The following PDCL2 variants were observed in gnomAD, a reference collection of about 807,000 sequenced individuals.
The protein encoded by PDCL2 is phosducin like 2, also known as phosducin-like protein 2.
A neutral mutation model predicts 30.3 loss-of-function variants in PDCL2; 23 were observed. The ratio of observed to expected loss-of-function variants is 0.76; its 90% CI spans 0.55 to 1.08. The LOEUF is 1.08. PDCL2 is among the 50% of genes least tolerant of loss of function. PDCL2 has a pLI of 0.00. For missense variants in PDCL2, 243 were observed against 282.3 expected, an observed-to-expected ratio of 0.86 and a Z score of 1.00; for synonymous variants, 68 against 86.2, an observed-to-expected ratio of 0.79 and a Z score of 1.17.
intron 5 of PDCL2, among the ~76,000 whole-genome samples, chr4:55,560,451 A>G (rs572717135): frequency 1.1e-3 from 170 of 152,096 alleles, no homozygotes; most frequent in Middle Eastern, 3.4e-3. Flanking sequence ...TCTACTATAA[A>G]ATTTTTCTTA....
chr4:55,572,706 C>T (rs1211073053), intron 3 of PDCL2, among the ~76,000 whole-genome samples: 2 of 152,152 alleles, frequency 1.3e-5, no homozygotes, highest in East Asian at 3.8e-4. Context: ...GCTCCAAAAC[C>T]ATGATGCAAA....
rs1732177444 is a variant in PDCL2, at chr4:55,563,092, C to A, written c.363-480G>T. 7.2e-5 allele frequency among the ~76,000 whole-genome samples: 11 copies of A among 152,296 alleles called. No homozygotes were observed. In the South Asian group the frequency reaches 2.3e-3, roughly 32 times the overall value. On this transcript the variant is annotated intron_variant, in intron 4 of 5. Transcript: ENST00000295645. Reference sequence around the variant, plus strand: ...CCAGTCTTTGGAATCCCACTCCATGCCACATCCTGGTGGCCCATTATCCAG... The same window carrying A: ...CCAGTCTTTGGAATCCCACTCCATGACACATCCTGGTGGCCCATTATCCAG...
At chr4:55,585,547 C>T (rs540079891) in intron 1 of PDCL2, among the ~76,000 whole-genome samples, 4 of 151,966 alleles carry the variant, frequency 2.6e-5, no homozygotes, top group Non-Finnish European at 5.9e-5. Flanking sequence ...CACACAGACA[C>T]ACACACACAC....
rs186375366 is a variant in PDCL2 at position 55,581,632 on chromosome 4, G to A, written c.127+485C>T. 4.6e-4 allele frequency among the ~76,000 whole-genome samples: 70 copies of A among 152,310 alleles called. No individual in the cohort carries two copies. In the East Asian group the frequency reaches 0.011, roughly 24 times the overall value. On this transcript the variant is annotated intron_variant, in intron 2 of 5. Transcript: ENST00000295645. ...TATTAGCATGTGATTTTCAACATGT[G>A]AAATTAGTCATTTTAGGTGTCATAT...
intron 1 of PDCL2, among the ~76,000 whole-genome samples, chr4:55,589,368 A>AT (rs561443107): frequency 1.3e-3 from 204 of 152,054 alleles, no homozygotes; most frequent in Non-Finnish European, 2.4e-3. Context: ...GAGGATTTAT[A>AT]TTTTTTTTCT....
chr4:55,577,293 C>T (rs1298067714), intron 3 of PDCL2, among the ~76,000 whole-genome samples: 3 of 152,144 alleles, frequency 2.0e-5, no homozygotes, highest in Admixed American at 6.5e-5. Flanking sequence ...AATGCCATCA[C>T]ATTGGGAGGG....
At chr4:55,567,237 A>G (rs1732290767) in intron 4 of PDCL2, among the ~76,000 whole-genome samples, 1 of 152,246 alleles carries the variant, frequency 6.6e-6, no homozygotes, top group African/African-American at 2.4e-5. Flanking sequence ...CGGAGTCATT[A>G]AAATGAGACA....
chr4:55,560,478 G>A (rs984338673), intron 5 of PDCL2, among the ~76,000 whole-genome samples: 1 of 152,102 alleles, frequency 6.6e-6, no homozygotes, highest in South Asian at 2.1e-4. Flanking sequence ...AGTTAGGTGT[G>A]ATGGCAGGCA....
chr4:55,580,672 T>C, intron 3 of PDCL2, 149 bp downstream of exon 3: 3 of 505,328 alleles, frequency 5.9e-6, no homozygotes, highest in Non-Finnish European at 1.0e-5. Context: ...TGTAATAAAA[T>C]TCCACCTTAT....
chr4:55,557,242 G>T (rs555460323), intron 5 of PDCL2, among the ~76,000 whole-genome samples: 3 of 152,280 alleles, frequency 2.0e-5, no homozygotes, highest in East Asian at 3.9e-4. Context: ...GGTTAAACTG[G>T]GTCTTAGTCT....
At chr4:55,591,735 A>G (rs1017694361) in intron 1 of PDCL2, among the ~76,000 whole-genome samples, 1 of 152,096 alleles carries the variant, frequency 6.6e-6, no homozygotes, top group East Asian at 1.9e-4. Context: ...TTCTGTTCTT[A>G]TTTTTTAAGG....
rs33953658 is a variant in PDCL2, at chr4:55,562,912, G to GAA, written c.363-302_363-301dup. Among the ~76,000 whole-genome samples the GAA allele has an allele frequency of 2.5e-3, 275 of 108,782 alleles. 2 individuals are homozygous for GAA. Among genetic ancestry groups the GAA allele is most frequent in the East Asian group, 0.01 (43 of 4,234 alleles). 71.4% of individuals were successfully genotyped at this position (108,782 alleles called of 152,430 possible). A position where few individuals can be genotyped will look rare whatever the true frequency, so the allele number is the denominator to read the frequency against. The stretch of plus-strand genomic sequence containing the variant: ...GGTTCAAGCAGGTACCCAGTTTGTA[G>GAA]AAAAAAAAAAAAAAAACAGGACACT... On this transcript the variant is annotated intron_variant, in intron 4 of 5. Transcript: ENST00000295645.
chr4:55,591,191 A>C (rs1732989057), intron 1 of PDCL2, among the ~76,000 whole-genome samples: 1 of 152,142 alleles, frequency 6.6e-6, no homozygotes, highest in African/African-American at 2.4e-5. Flanking sequence ...AAACACCCAA[A>C]ATTAAATATG....
At chr4:55,591,365 C>G (rs1481613057) in intron 1 of PDCL2, among the ~76,000 whole-genome samples, 1 of 151,346 alleles carries the variant, frequency 6.6e-6, no homozygotes, top group Non-Finnish European at 1.5e-5. Context: ...TTCTAAGAAA[C>G]ATTTTGGAAG....
At chr4:55,588,487 T>A (rs1184406266) in intron 1 of PDCL2, among the ~76,000 whole-genome samples, 1 of 152,036 alleles carries the variant, frequency 6.6e-6, no homozygotes, top group Non-Finnish European at 1.5e-5. Flanking sequence ...ACCAAATCAA[T>A]GTACATCTTA....
chr4:55,571,308 C>G (rs1422347584), intron 3 of PDCL2, among the ~76,000 whole-genome samples: 1 of 151,956 alleles, frequency 6.6e-6, no homozygotes, highest in East Asian at 1.9e-4. Flanking sequence ...GCACCCCTCC[C>G]TTGGAAACTG....
In PDCL2 at chr4:55,556,609, G is replaced by A. The variant is rs752546593; in HGVS notation, c.674C>T (p.Thr225Ile). The A allele has an allele frequency of 1.9e-5, 30 of 1,575,274 alleles. No homozygotes were observed. The highest frequency in any genetic ancestry group is 1.5e-5 in the Non-Finnish European group (17 of 1,157,058). The change falls in exon 6 of 6, where the codon ACT becomes ATT. Residue 225 changes from threonine to isoleucine, a missense_variant. Transcript: ENST00000295645. The part of the protein sequence containing the change: ...VDMMVSSIRN[T>I]SIHDDSDSSN... ...GCTATCACTGTCATCATGAATAGAA[G>A]TGTTTCTAATTGAAGATACCATCAT...
At chr4:55,563,008 T>C (rs933161397) in intron 4 of PDCL2, among the ~76,000 whole-genome samples, 1 of 152,182 alleles carries the variant, frequency 6.6e-6, no homozygotes, top group African/African-American at 2.4e-5. Flanking sequence ...ATGAGCTTCT[T>C]TCCATGTAAT....
In PDCL2 at chr4:55,578,266, G is replaced by C. The variant is rs1458738091; in HGVS notation, c.218+2555C>G. ...GTTCAGAAGGAGCAATCTGTAATAAGAACACAGAACCCCAATATTTGGAGG... is the reference window on the plus strand; with the variant it reads ...GTTCAGAAGGAGCAATCTGTAATAACAACACAGAACCCCAATATTTGGAGG... On this transcript the variant is annotated intron_variant, in intron 3 of 5. Coordinates refer to ENST00000295645, the MANE Select transcript of PDCL2 (RefSeq NM_152401.3). Among the ~76,000 whole-genome samples the C allele has an allele frequency of 6.6e-5, 10 of 152,134 alleles. 1 individual carries two copies. Among genetic ancestry groups the C allele is most frequent in the Admixed American group, 5.9e-4 (9 of 15,262 alleles).
Sources: gnomAD v4.1 joint callset for allele counts (sites outside exome capture counted in the v4.1 genomes callset) on GRCh38, gnomAD v4.1.1 for gene constraint, MANE v1.5 for transcripts, NCBI Gene and HGNC (gene_info 2026-07-23, HGNC 2026-07-21) for gene names.